The following SEC24D variants were observed in gnomAD, a reference collection of about 807,000 sequenced individuals.
The protein encoded by SEC24D is protein transport protein Sec24D.
Under a neutral mutation model 116.9 loss-of-function variants are expected in SEC24D, and 69 were observed. That is an observed-to-expected ratio of 0.59 (90% CI 0.49 to 0.72). The LOEUF is 0.72. Among genes scored for constraint, SEC24D ranks in the 30% least tolerant of loss-of-function variants. SEC24D has a pLI of 0.00. For missense variants in SEC24D, 1,131 were observed against 1,264.1 expected (o/e 0.89, Z 1.60); for synonymous variants, 405 against 442.8 (o/e 0.91, Z 1.07).
chr4:118,810,109 TG>T (rs1729846498), intron 6 of SEC24D, among the ~76,000 whole-genome samples: 2 of 148,320 alleles, frequency 1.3e-5, no homozygotes, highest in Admixed American at 6.8e-5. Context: ...TGTGTGTGTG[TG>T]TGTGTGTGTG....
At chr4:118,833,874 T>C in intron 1 of SEC24D, 137 bp from the exon 2 acceptor site, 1 of 534,388 alleles carries the variant, frequency 1.9e-6, no homozygotes, top group East Asian at 3.2e-5. Flanking sequence ...GAAATCTTTG[T>C]ATTATACAAT....
Position 118,732,759 on chromosome 4 carries a change from A to G in SEC24D, c.2650T>C (p.Phe884Leu), listed in dbSNP as rs201766693. 1.6e-5 allele frequency: 26 copies of G among 1,614,070 alleles called. No individual in the cohort carries two copies. In the Admixed American group the frequency reaches 3.2e-4, roughly 20 times the overall value. The stretch of plus-strand genomic sequence containing the variant: ...ATGGGCAGAAGTTGTGGGTAGAAGA[A>G]AAGCTGAGAGTCAGCCACACCCATG... ...MTMGVADSQLFFYPQLLPIHT... is the reference protein window; with the variant it reads ...MTMGVADSQLLFYPQLLPIHT... Residue 884 changes from phenylalanine (F) to leucine (L), a missense_variant, in exon 20 of 23, where the codon TTC becomes CTC. By Grantham distance (22) the Phe-to-Leu change is conservative. Coordinates refer to ENST00000280551, the MANE Select transcript of SEC24D (RefSeq NM_014822.4).
intron 22 of SEC24D, among the ~76,000 whole-genome samples, chr4:118,728,281 G>A (rs958486001): frequency 1.3e-5 from 2 of 152,144 alleles, no homozygotes; most frequent in African/African-American, 4.8e-5. Context: ...TCACTTCAAA[G>A]TCTGTTAATG....
chr4:118,789,442 C>T (rs2110495694), intron 8 of SEC24D, among the ~76,000 whole-genome samples: 1 of 152,330 alleles, frequency 6.6e-6, no homozygotes. Flanking sequence ...ACAGAATTTT[C>T]CTTTCTTGTT....
chr4:118,804,111 T>TA (rs1346712108), intron 7 of SEC24D, among the ~76,000 whole-genome samples: 1 of 152,178 alleles, frequency 6.6e-6, no homozygotes, highest in Non-Finnish European at 1.5e-5. Flanking sequence ...TTTAATGTGA[T>TA]ACGGGTGAAA....
At chr4:118,745,249 T>A (rs1726452853) in intron 13 of SEC24D, among the ~76,000 whole-genome samples, 189 bp from the exon 14 acceptor site, 1 of 152,116 alleles carries the variant, frequency 6.6e-6, no homozygotes, top group African/African-American at 2.4e-5. Context: ...AAACTGAGGC[T>A]GAGAGAGGAC....
intron 22 of SEC24D, among the ~76,000 whole-genome samples, chr4:118,725,729 A>C (rs1463549808): frequency 2.0e-5 from 3 of 152,150 alleles, no homozygotes; most frequent in African/African-American, 7.2e-5. Flanking sequence ...CCTTGGGAGA[A>C]ACTTAGCTTT....
chr4:118,731,387 C>T lies in SEC24D; in HGVS notation c.2797G>A (p.Val933Ile). The T allele has an allele frequency of 6.2e-7, 1 of 1,614,064 alleles. No individual in the cohort carries two copies. Among genetic ancestry groups the T allele is most frequent in the Admixed American group, 1.7e-5 (1 of 60,012 alleles). Residue 933 changes from valine (V) to isoleucine (I), a missense_variant, in exon 21 of 23, where the codon GTA becomes ATA. Coordinates refer to ENST00000280551, the MANE Select transcript of SEC24D (RefSeq NM_014822.4). ...TGGATCAGTTCTGGTGGGCTGCTTA[C>T]TCCCAACCACAGGAACATGTGTAGA... ...NGLHMFLWLG[V>I]SSPPELIQGI...
In SEC24D at chr4:118,758,229, T is replaced by C. The variant is rs561879220; in HGVS notation, c.1297-384A>G. Among the ~76,000 whole-genome samples, 21 of 152,310 alleles carry C rather than the reference T, an allele frequency of 1.4e-4. No individual in the cohort carries two copies. The East Asian group carries it at 2.5e-3, about 18-fold the overall frequency. On this transcript the variant is annotated intron_variant, in intron 10 of 22. Transcript: ENST00000280551. ...ATATGTTTGGCACACTAAAAAATTATGCTAAAAAAGAATACATATAATAGT... is the reference window on the plus strand; with the variant it reads ...ATATGTTTGGCACACTAAAAAATTACGCTAAAAAAGAATACATATAATAGT...
rs371582868 is a variant in SEC24D at position 118,787,578 on chromosome 4, C to T, written c.1041+10105G>A. On this transcript the variant is annotated intron_variant, in intron 8 of 22. Transcript: ENST00000280551. ...CTATAATCCCGGCACTTTGGGAGGCCGAGGCAGGTGGACTGCTTGAGCTAG... is the reference window on the plus strand; with the variant it reads ...CTATAATCCCGGCACTTTGGGAGGCTGAGGCAGGTGGACTGCTTGAGCTAG... Among the ~76,000 whole-genome samples, 3 of 152,116 alleles carry T rather than the reference C, an allele frequency of 2.0e-5. 1 individual carries two copies. The East Asian group carries it at 5.8e-4, about 29-fold the overall frequency.
At chr4:118,743,805 T>C (rs984170689) in intron 15 of SEC24D, among the ~76,000 whole-genome samples, 183 bp downstream of exon 15, 7 of 152,210 alleles carry the variant, frequency 4.6e-5, no homozygotes, top group Admixed American at 4.6e-4. Flanking sequence ...CCGAGGTTGG[T>C]TGAAGCCAAG....
At chr4:118,732,679 A>C in intron 20 of SEC24D, 54 bp downstream of exon 20, 1 of 1,538,486 alleles carries the variant, frequency 6.5e-7, no homozygotes, top group Non-Finnish European at 8.9e-7. Context: ...GAAAGCACAA[A>C]ATATGATTCC....
At chr4:118,782,605 G>A (rs549600414) in intron 8 of SEC24D, among the ~76,000 whole-genome samples, 63 of 152,338 alleles carry the variant, frequency 4.1e-4, no homozygotes, top group Non-Finnish European at 6.2e-4. Flanking sequence ...CTCAAACACC[G>A]TGCAGGGAGA....
chr4:118,763,253 C>T (rs62328113), intron 10 of SEC24D, among the ~76,000 whole-genome samples: 7,371 of 152,170 alleles, frequency 0.048, 222 homozygotes, highest in Middle Eastern at 0.25. Flanking sequence ...ACTAATAAAG[C>T]ATCACATTTT....
In SEC24D at chr4:118,769,388, T is replaced by C. The variant is rs1578415470; in HGVS notation, c.1042-1077A>G. Among the ~76,000 whole-genome samples the C allele has an allele frequency of 2.0e-5, 3 of 152,338 alleles. No individual in the cohort carries two copies. The South Asian group carries it at 6.2e-4, about 32-fold the overall frequency. ...GAGAAAACCACAGAGATACTTGTTT[T>C]TGTAAATCTCCTTAAAGATAACATT... is the stretch of plus-strand genomic sequence containing the variant. On this transcript the variant is annotated intron_variant, in intron 8 of 22. Coordinates refer to ENST00000280551, the MANE Select transcript of SEC24D (RefSeq NM_014822.4).
At chr4:118,743,600 G>A (rs762409164) in intron 15 of SEC24D, among the ~76,000 whole-genome samples, 15 of 152,236 alleles carry the variant, frequency 9.9e-5, no homozygotes, top group South Asian at 2.1e-4. Context: ...CCGCCCTCAC[G>A]TGATCTTCCC....
At chr4:118,816,088 ATTTTTTTT>A (rs34404398) in intron 4 of SEC24D, among the ~76,000 whole-genome samples, 2 of 101,306 alleles carry the variant, frequency 2.0e-5, no homozygotes, top group Admixed American at 1.3e-4. Context: ...CGCCAAGTTC[ATTTTTTTT>A]TTTTTTTTTT....
rs1241792588 is a variant in SEC24D at position 118,768,194 on chromosome 4, A to G, written c.1159T>C (p.Phe387Leu). The change falls in exon 9 of 23, where the codon TTT becomes CTT. Residue 387 changes from phenylalanine to leucine, a missense_variant. Transcript: ENST00000280551. ...TTACCATCATTCACACAGTTGCAAA[A>G]TCCACACTGATATCTCCTTCCTCCT... ...IEGGRRYQCG[F>L]CNCVNDVPPF... is the part of the protein sequence containing the mutation. The G allele has an allele frequency of 1.9e-6, 3 of 1,613,540 alleles. No individual in the cohort carries two copies. The highest frequency in any genetic ancestry group is 2.5e-6 in the Non-Finnish European group (3 of 1,179,790).
At chr4:118,785,952 C>A (rs1728650674) in intron 8 of SEC24D, among the ~76,000 whole-genome samples, 1 of 151,942 alleles carries the variant, frequency 6.6e-6, no homozygotes, top group Non-Finnish European at 1.5e-5. Context: ...TTTTCCATGG[C>A]AAAATTTGAT....
Sources: allele counts gnomAD v4.1 joint callset (sites outside exome capture counted in the v4.1 genomes callset), GRCh38; gene constraint gnomAD v4.1.1; transcripts MANE v1.5; gene names NCBI Gene and HGNC (gene_info 2026-07-23, HGNC 2026-07-21).